The following LHFPL3 variants were observed in gnomAD, a reference collection of about 807,000 sequenced individuals.
LHFPL3 encodes the protein LHFPL tetraspan subfamily member 3.
A neutral mutation model predicts 19.3 loss-of-function variants in LHFPL3; 5 were observed. The ratio of observed to expected loss-of-function variants is 0.26; its 90% CI spans 0.14 to 0.54. The LOEUF is 0.54. Ranked by LOEUF, LHFPL3 falls within the 20% of genes least tolerant of loss-of-function variation. The pLI is 0.94. For synonymous variants in LHFPL3, 133 were observed against 126.2 expected (o/e 1.05, Z -0.36); for missense variants, 249 against 307.4 (o/e 0.81, Z 1.42).
intron 2 of LHFPL3, among the ~76,000 whole-genome samples, chr7:104,776,043 G>A (rs576854545): frequency 6.6e-6 from 1 of 152,294 alleles, no homozygotes; most frequent in African/African-American, 2.4e-5. Flanking sequence ...GGTTTAACAT[G>A]TAAACTGGTT....
intron 1 of LHFPL3, among the ~76,000 whole-genome samples, chr7:104,671,582 A>AG (rs1326581132): frequency 4.0e-5 from 6 of 150,508 alleles, no homozygotes; most frequent in Non-Finnish European, 5.9e-5. Context: ...AAAAAAAAAA[A>AG]AAAAGAAAGA....
intron 2 of LHFPL3, among the ~76,000 whole-genome samples, chr7:104,780,857 C>A (rs747153324): frequency 1.3e-5 from 2 of 152,240 alleles, no homozygotes; most frequent in Non-Finnish European, 2.9e-5. Context: ...CTCTGAAAAA[C>A]CAAAACTGGA....
chr7:104,554,385 G>A (rs955166527), intron 1 of LHFPL3, among the ~76,000 whole-genome samples: 5 of 151,506 alleles, frequency 3.3e-5, no homozygotes, highest in Admixed American at 2.6e-4. Context: ...AAATTAACTG[G>A]ATTTCCAGCC....
intron 1 of LHFPL3, among the ~76,000 whole-genome samples, chr7:104,593,499 G>A (rs552640486): frequency 2.6e-5 from 4 of 152,252 alleles, no homozygotes; most frequent in African/African-American, 7.2e-5. Flanking sequence ...GTGGTGCCGA[G>A]AAGAATGTAT....
At chr7:104,777,368 T>A (rs1486075714) in intron 2 of LHFPL3, among the ~76,000 whole-genome samples, 1 of 152,124 alleles carries the variant, frequency 6.6e-6, no homozygotes, top group Non-Finnish European at 1.5e-5. Flanking sequence ...GTTCAAGAAG[T>A]TACCAGGGAA....
chr7:104,502,488 T>C (rs1354785878), intron 1 of LHFPL3, among the ~76,000 whole-genome samples: 1 of 152,238 alleles, frequency 6.6e-6, no homozygotes, highest in Non-Finnish European at 1.5e-5. Flanking sequence ...AGAAATGGCA[T>C]CTACATGTTG....
At chr7:104,700,085 C>T (rs1793073795) in intron 1 of LHFPL3, among the ~76,000 whole-genome samples, 1 of 152,168 alleles carries the variant, frequency 6.6e-6, no homozygotes, top group African/African-American at 2.4e-5. Flanking sequence ...CCTGGGAAGC[C>T]CACCATCCAA....
rs1258497449 is a variant in LHFPL3 at position 104,736,865 on chromosome 7, T to C, written c.636T>C (p.Asn212=). Residue 212 remains asparagine, a synonymous_variant, in exon 2 of 3, where the codon AAT becomes AAC. Coordinates refer to ENST00000424859, the MANE Select transcript of LHFPL3 (RefSeq NM_199000.3). The part of the protein sequence containing the change: ...ILSFLAFVLG[N]RQDSLMAEEL... ...CATTTCTAGCATTTGTGCTTGGTAATCGACAAGACAGCTTGATGGCAGAGG... is the reference window on the plus strand; with the variant it reads ...CATTTCTAGCATTTGTGCTTGGTAACCGACAAGACAGCTTGATGGCAGAGG... 2 of 1,611,792 alleles carry C rather than the reference T, an allele frequency of 1.2e-6. No individual in the cohort carries two copies. The highest frequency in any genetic ancestry group is 8.5e-7 in the Non-Finnish European group (1 of 1,179,004).
chr7:104,845,413 G>C (rs751206222), intron 2 of LHFPL3: 1 of 1,536,020 alleles, frequency 6.5e-7, no homozygotes, highest in Non-Finnish European at 8.7e-7. Context: ...AACTAAGGTA[G>C]TGTGAGACCA....
intron 1 of LHFPL3, chr7:104,667,951 T>A: frequency 6.2e-7 from 1 of 1,613,374 alleles, no homozygotes; most frequent in Admixed American, 1.7e-5. Flanking sequence ...GCGCCTCCAA[T>A]TGACCGTTCC....
chr7:104,498,670 G>A (rs901239662), intron 1 of LHFPL3, among the ~76,000 whole-genome samples: 15 of 152,058 alleles, frequency 9.9e-5, no homozygotes, highest in African/African-American at 2.2e-4. Context: ...TAGAGACGGG[G>A]TTTCACCATG....
chr7:104,827,173 C>T (rs1196487008), intron 2 of LHFPL3, among the ~76,000 whole-genome samples: 1 of 152,022 alleles, frequency 6.6e-6, no homozygotes, highest in African/African-American at 2.4e-5. Flanking sequence ...ACTGACAAAT[C>T]ATGGCATAGA....
intron 1 of LHFPL3, among the ~76,000 whole-genome samples, chr7:104,575,559 TAAAAAAA>T (rs58118006): frequency 3.0e-4 from 11 of 36,172 alleles, no homozygotes; most frequent in African/African-American, 4.7e-4. Flanking sequence ...CAAAGAGATC[TAAAAAAA>T]AAAAAAAAAA....
chr7:104,789,309 G>T (rs973612779), intron 2 of LHFPL3, among the ~76,000 whole-genome samples: 16 of 152,054 alleles, frequency 1.1e-4, no homozygotes, highest in African/African-American at 3.9e-4. Context: ...TTCTTGGTGA[G>T]TATAAGAAGA....
At chr7:104,396,892 T>C (rs1353513850) in intron 1 of LHFPL3, among the ~76,000 whole-genome samples, 1 of 151,836 alleles carries the variant, frequency 6.6e-6, no homozygotes, top group East Asian at 1.9e-4. Flanking sequence ...ATCACTTGAG[T>C]CTAGGAGGCT....
At chr7:104,425,850 G>A (rs1429743279) in intron 1 of LHFPL3, among the ~76,000 whole-genome samples, 2 of 152,118 alleles carry the variant, frequency 1.3e-5, no homozygotes, top group African/African-American at 2.4e-5. Flanking sequence ...TTCCTTTCAC[G>A]ATCTCATTTT....
intron 2 of LHFPL3, among the ~76,000 whole-genome samples, chr7:104,795,821 C>T (rs1017904034): frequency 1.3e-5 from 2 of 152,200 alleles, no homozygotes; most frequent in African/African-American, 2.4e-5. Context: ...CATAGCTTTG[C>T]CTTGTCCCTG....
At chr7:104,493,885 A>C (rs1266500850) in intron 1 of LHFPL3, among the ~76,000 whole-genome samples, 1 of 152,128 alleles carries the variant, frequency 6.6e-6, no homozygotes, top group Non-Finnish European at 1.5e-5. Context: ...TAAGCACTTG[A>C]AATATAACTA....
Position 104,664,643 on chromosome 7 carries a change from G to A in LHFPL3, c.446-72032G>A, listed in dbSNP as rs530196468. 3.0e-4 allele frequency among the ~76,000 whole-genome samples: 45 copies of A among 152,324 alleles called. No homozygotes were observed. In the South Asian group the frequency reaches 8.9e-3, roughly 30 times the overall value. On this transcript the variant is annotated intron_variant, in intron 1 of 2. Coordinates refer to ENST00000424859, the MANE Select transcript of LHFPL3 (RefSeq NM_199000.3). ...ACAGCATAGATAATGACTGAGCATA[G>A]TTGCATTCCAATAAAACTTTATTTA...
Sources: allele counts gnomAD v4.1 joint callset (sites outside exome capture counted in the v4.1 genomes callset), GRCh38; gene constraint gnomAD v4.1.1; transcripts MANE v1.5; gene names NCBI Gene and HGNC (gene_info 2026-07-23, HGNC 2026-07-21).